Variants in GPR19 observed in about 807,000 individuals in gnomAD.
GPR19 encodes probable G protein-coupled receptor 19.
GPR19 carries 14 observed loss-of-function variants against 28.5 expected under a neutral mutation model. That is an observed-to-expected ratio of 0.49 (90% CI 0.32 to 0.77). The LOEUF is 0.77. GPR19 is among the 30% of genes least tolerant of loss of function. The pLI is 0.03. For synonymous variants in GPR19, 173 were observed against 184.1 expected, an observed-to-expected ratio of 0.94 and a Z score of 0.49; for missense variants, 409 against 504.1, an observed-to-expected ratio of 0.81 and a Z score of 1.81.
At chr12:12,687,782 T>A (rs189695432) in intron 2 of GPR19, among the ~76,000 whole-genome samples, 76 of 152,300 alleles carry the variant, frequency 5.0e-4, no homozygotes, top group Non-Finnish European at 8.1e-4. Context: ...GAGAAATTCA[T>A]TAAAATGGTT....
At chr12:12,699,003 ACAGT>A (rs1409424465), upstream of GPR19, among the ~76,000 whole-genome samples, 17 of 152,174 alleles carry the variant, frequency 1.1e-4, no homozygotes, top group African/African-American at 3.1e-4. Flanking sequence ...TTGGTTTATC[ACAGT>A]CAGTATGAGC....
intron 2 of GPR19, among the ~76,000 whole-genome samples, chr12:12,690,080 T>G (rs1056205094): frequency 6.6e-6 from 1 of 152,206 alleles, no homozygotes; most frequent in African/African-American, 2.4e-5. Flanking sequence ...CCACAGAAAC[T>G]ATGACATAAT....
At chr12:12,699,477 C>G (rs1196314942), upstream of GPR19, among the ~76,000 whole-genome samples, 2 of 152,112 alleles carry the variant, frequency 1.3e-5, no homozygotes, top group African/African-American at 4.8e-5. Flanking sequence ...ATTCAGTACT[C>G]TTGTCATACC....
chr12:12,671,392 C>CG, intron 3 of GPR19, among the ~76,000 whole-genome samples: 1 of 152,180 alleles, frequency 6.6e-6, no homozygotes, highest in South Asian at 2.1e-4. Context: ...TTTCCACCAC[C>CG]TGAAACTCCT....
intron 2 of GPR19, among the ~76,000 whole-genome samples, chr12:12,693,188 C>G (rs755801319): frequency 7.2e-5 from 11 of 152,190 alleles, no homozygotes; most frequent in Non-Finnish European, 1.5e-5. Flanking sequence ...CAAAGACAGG[C>G]TTGAACCTCA....
At chr12:12,702,052 G>A in the GPR19 span, among the ~76,000 whole-genome samples, 1 of 151,154 alleles carries the variant, frequency 6.6e-6, no homozygotes, top group Non-Finnish European at 1.5e-5. Context: ...TTATGTTATT[G>A]TCTGATTTTT....
rs1283379772 is a variant in GPR19, at chr12:12,684,362, CT to C, written c.-35del. ...TCCCTATCACATACCTTCATCCGGACTTGATTTCAGAGACGTTCTCTTTAGA... is the reference window on the plus strand; with the variant it reads ...TCCCTATCACATACCTTCATCCGGACTGATTTCAGAGACGTTCTCTTTAGA... On this transcript the variant is annotated 5_prime_UTR_variant, in exon 3 of 4. An upstream open reading frame in the 5' UTR gains an earlier in-frame stop. Transcript: ENST00000651487. 7 of 152,318 alleles carry C rather than the reference CT, an allele frequency of 4.6e-5. No individual in the cohort carries two copies. The South Asian group carries it at 8.3e-4, about 18-fold the overall frequency. The allele number at this position is 152,318 out of a possible 1,614,324, so 9.4% of individuals were successfully genotyped here.
upstream of GPR19, among the ~76,000 whole-genome samples, chr12:12,698,383 T>G (rs747628054): frequency 7.9e-5 from 12 of 152,138 alleles, no homozygotes; most frequent in Non-Finnish European, 1.6e-4. Context: ...CTGGGCATAC[T>G]CCCCTGTGAT....
chr12:12,663,757 T>TATTA (rs775428739), intron 3 of GPR19, among the ~76,000 whole-genome samples: 4 of 152,152 alleles, frequency 2.6e-5, no homozygotes, highest in Non-Finnish European at 5.9e-5. Flanking sequence ...TAAACATTAA[T>TATTA]ATTTTCAAAA....
chr12:12,705,413 C>T, the GPR19 span, among the ~76,000 whole-genome samples: 1 of 152,264 alleles, frequency 6.6e-6, no homozygotes, highest in East Asian at 1.9e-4. Context: ...AGATGCTGTT[C>T]TACAGTGATT....
chr12:12,662,181 T>A lies in GPR19; in HGVS notation c.268A>T (p.Ile90Phe). The A allele has an allele frequency of 6.2e-7, 1 of 1,614,202 alleles. No individual in the cohort carries two copies. Among genetic ancestry groups the A allele is most frequent in the Non-Finnish European group, 8.5e-7 (1 of 1,180,028 alleles). Residue 90 changes from isoleucine to phenylalanine, a missense_variant, in exon 4 of 4, where the codon ATC (isoleucine) becomes TTC (phenylalanine). By Grantham distance (21) the Ile-to-Phe change is conservative. Coordinates refer to ENST00000651487, the MANE Select transcript of GPR19 (RefSeq NM_006143.3). ...IFGNSLVCLV[I>F]HRSRRTQSTT... ...GACTGAGTCCTCCTACTCCTATGGA[T>A]GACCAAACAAACCAGGGAATTGCCG...
At chr12:12,698,551 AG>A (rs1186924516), upstream of GPR19, among the ~76,000 whole-genome samples, 2 of 152,232 alleles carry the variant, frequency 1.3e-5, no homozygotes, top group Admixed American at 6.5e-5. Context: ...ACTTGGTTAA[AG>A]CAACACAATT....
At chr12:12,684,574 ACT>A (rs1485333965) in intron 2 of GPR19, 67 bp from the exon 3 acceptor site, 2 of 151,630 alleles carry the variant, frequency 1.3e-5, no homozygotes, top group African/African-American at 4.9e-5. Flanking sequence ...CCCCAGCCCC[ACT>A]CTCTTGTTGC....
chr12:12,671,416 T>A (rs1448811235), intron 3 of GPR19, among the ~76,000 whole-genome samples: 1 of 152,116 alleles, frequency 6.6e-6, no homozygotes, highest in African/African-American at 2.4e-5. Context: ...GCCACAAGCT[T>A]ATAGGCCTGG....
chr12:12,712,732 A>G, the GPR19 span, among the ~76,000 whole-genome samples: 1 of 152,118 alleles, frequency 6.6e-6, no homozygotes, highest in African/African-American at 2.4e-5. Context: ...GTGCAATGGC[A>G]TGATCATAGC....
chr12:12,669,474 G>A (rs1440540740), intron 3 of GPR19, among the ~76,000 whole-genome samples: 1 of 152,142 alleles, frequency 6.6e-6, no homozygotes, highest in East Asian at 1.9e-4. Context: ...GAGATTTTAA[G>A]GTAAACCCTT....
chr12:12,689,091 G>A (rs1034951025), intron 2 of GPR19, among the ~76,000 whole-genome samples: 1 of 152,218 alleles, frequency 6.6e-6, no homozygotes, highest in Non-Finnish European at 1.5e-5. Context: ...AAGTAAAACA[G>A]AAGCTTGCAT....
chr12:12,673,999 G>A (rs1945894789), intron 3 of GPR19, among the ~76,000 whole-genome samples: 1 of 151,948 alleles, frequency 6.6e-6, no homozygotes, highest in Non-Finnish European at 1.5e-5. Context: ...ATCACTTGAG[G>A]TCAGGAGTTC....
chr12:12,680,926 T>TA (rs1946009195), intron 3 of GPR19, among the ~76,000 whole-genome samples: 1 of 152,110 alleles, frequency 6.6e-6, no homozygotes. Flanking sequence ...GGACCTTAAG[T>TA]ATTCTGCCCC....
Sources: allele counts gnomAD v4.1 joint callset (sites outside exome capture counted in the v4.1 genomes callset), GRCh38; gene constraint gnomAD v4.1.1; transcripts MANE v1.5; gene names NCBI Gene and HGNC (gene_info 2026-07-23, HGNC 2026-07-21).